EPHA6: variants seen among roughly 807,000 people sequenced by gnomAD.
The protein encoded by EPHA6 is EPH receptor A6.
EPHA6 carries 50 observed loss-of-function variants against 112.0 expected under a neutral mutation model. The ratio of observed to expected loss-of-function variants is 0.45; its 90% CI spans 0.36 to 0.56. The LOEUF (loss-of-function observed/expected upper bound fraction) is 0.56, where lower values mean the gene tolerates loss of function less well. EPHA6 is among the 20% of genes least tolerant of loss of function. The pLI, the probability that EPHA6 is intolerant of heterozygous loss-of-function variation, is 0.00. For missense variants in EPHA6, 1,280 were observed against 1,417.4 expected, an observed-to-expected ratio of 0.90 and a Z score of 1.56; for synonymous variants, 529 against 490.7, an observed-to-expected ratio of 1.08 and a Z score of -1.03.
At chr3:97,655,661 T>C (rs2094133786) in intron 14 of EPHA6, among the ~76,000 whole-genome samples, 1 of 147,984 alleles carries the variant, frequency 6.8e-6, no homozygotes, top group East Asian at 2.0e-4. Context: ...GATGGCTGGG[T>C]CAAATGGTAT....
At chr3:97,121,150 A>G (rs2048030058) in intron 3 of EPHA6, among the ~76,000 whole-genome samples, 1 of 151,922 alleles carries the variant, frequency 6.6e-6, no homozygotes, top group East Asian at 1.9e-4. Flanking sequence ...TACCACCCAA[A>G]CTCATATTAT....
intron 6 of EPHA6, among the ~76,000 whole-genome samples, chr3:97,410,137 G>A (rs971090840): frequency 3.3e-5 from 5 of 152,006 alleles, no homozygotes; most frequent in Admixed American, 6.6e-5. Context: ...TCTGAAAGTC[G>A]CATACTCCTC....
chr3:97,133,483 C>T (rs1000735798), intron 3 of EPHA6, among the ~76,000 whole-genome samples: 7 of 151,938 alleles, frequency 4.6e-5, no homozygotes, highest in Admixed American at 4.6e-4. Context: ...GAAAAATGTA[C>T]AGTTGACACA....
At chr3:97,582,434 T>A (rs927485971) in intron 11 of EPHA6, among the ~76,000 whole-genome samples, 12 of 152,140 alleles carry the variant, frequency 7.9e-5, no homozygotes, top group Admixed American at 7.9e-4. Flanking sequence ...CGGGGAGGCA[T>A]CCACTGAAGT....
chr3:97,079,804 G>A (rs1398656662), intron 3 of EPHA6, among the ~76,000 whole-genome samples: 4 of 151,806 alleles, frequency 2.6e-5, no homozygotes, highest in Middle Eastern at 3.5e-3. Flanking sequence ...GCCTTCAGCA[G>A]CTACCATCCT....
intron 11 of EPHA6, among the ~76,000 whole-genome samples, chr3:97,586,930 C>T (rs1264095303): frequency 2.6e-5 from 4 of 152,156 alleles, no homozygotes; most frequent in Non-Finnish European, 4.4e-5. Context: ...AGTTACAGAA[C>T]TCAATACTGG....
chr3:97,576,735 G>A (rs1388841570), intron 11 of EPHA6, among the ~76,000 whole-genome samples: 2 of 151,986 alleles, frequency 1.3e-5, no homozygotes, highest in Non-Finnish European at 2.9e-5. Context: ...ATGACCCGTG[G>A]AATGTTTGCA....
intron 14 of EPHA6, among the ~76,000 whole-genome samples, chr3:97,694,947 G>A (rs2032935135): frequency 1.3e-5 from 2 of 152,134 alleles, no homozygotes; most frequent in Admixed American, 1.3e-4. Flanking sequence ...TTATCCCTGG[G>A]CAGTACCATC....
chr3:97,632,554 A>G (rs1373465278), intron 13 of EPHA6, among the ~76,000 whole-genome samples: 3 of 151,972 alleles, frequency 2.0e-5, no homozygotes, highest in African/African-American at 7.2e-5. Flanking sequence ...TAGGATACTC[A>G]GGGAGTGTTG....
At chr3:97,449,236 G>A (rs2090447700) in intron 7 of EPHA6, among the ~76,000 whole-genome samples, 1 of 152,030 alleles carries the variant, frequency 6.6e-6, no homozygotes, top group African/African-American at 2.4e-5. Context: ...AACCAAAATG[G>A]GAGATGAAGG....
chr3:97,511,091 G>A (rs570937453), intron 10 of EPHA6, among the ~76,000 whole-genome samples: 4 of 152,146 alleles, frequency 2.6e-5, no homozygotes, highest in East Asian at 1.9e-4. Context: ...ATTTCAAGCC[G>A]GTGGATCTTA....
At chr3:97,428,970 C>A (rs2089333022) in intron 6 of EPHA6, among the ~76,000 whole-genome samples, 1 of 152,158 alleles carries the variant, frequency 6.6e-6, no homozygotes, top group Non-Finnish European at 1.5e-5. Context: ...TCTGAAAGAG[C>A]TTTCTTGCCT....
chr3:97,322,270 G>A (rs1241412945), intron 5 of EPHA6, among the ~76,000 whole-genome samples: 1 of 151,898 alleles, frequency 6.6e-6, no homozygotes. Flanking sequence ...TTTGAATTTT[G>A]TACCACTAGC....
chr3:97,437,608 C>G (rs1448565012), intron 6 of EPHA6, among the ~76,000 whole-genome samples: 1 of 152,074 alleles, frequency 6.6e-6, no homozygotes, highest in African/African-American at 2.4e-5. Flanking sequence ...CTGACATCAG[C>G]AGGAATTTGT....
chr3:97,265,414 C>T (rs116340020), intron 5 of EPHA6, among the ~76,000 whole-genome samples: 1,827 of 152,268 alleles, frequency 0.012, 41 homozygotes, highest in African/African-American at 0.042. Flanking sequence ...TGCCCAAAAT[C>T]CAGAGGGGTC....
intron 4 of EPHA6, 132 bp downstream of exon 4, chr3:97,226,551 G>T (rs1422006940): frequency 4.9e-6 from 4 of 822,364 alleles, no homozygotes; most frequent in Non-Finnish European, 7.5e-6. Flanking sequence ...AACAGTCAAG[G>T]AAAAAGCTTC....
intron 11 of EPHA6, among the ~76,000 whole-genome samples, chr3:97,564,857 G>C (rs565179241): frequency 6.6e-6 from 1 of 152,240 alleles, no homozygotes; most frequent in South Asian, 2.1e-4. Context: ...GGTCGTAAGA[G>C]AATGAAAGCT....
chr3:96,981,774 T>C (rs1450610831), intron 2 of EPHA6, among the ~76,000 whole-genome samples: 1 of 152,156 alleles, frequency 6.6e-6, no homozygotes, highest in Non-Finnish European at 1.5e-5. Flanking sequence ...CTTCCTGGTT[T>C]AGTCTTGGTA....
At chr3:97,393,661 G>T (rs2086543681) in intron 5 of EPHA6, among the ~76,000 whole-genome samples, 1 of 151,678 alleles carries the variant, frequency 6.6e-6, no homozygotes, top group Non-Finnish European at 1.5e-5. Flanking sequence ...CATCTCACTG[G>T]CATGGCAGGA....
Sources: gnomAD v4.1 joint callset for allele counts (sites outside exome capture counted in the v4.1 genomes callset) on GRCh38, gnomAD v4.1.1 for gene constraint, MANE v1.5 for transcripts, NCBI Gene and HGNC (gene_info 2026-07-23, HGNC 2026-07-21) for gene names.